Variants in TTC34 observed in about 807,000 individuals in gnomAD.
The protein encoded by TTC34 is tetratricopeptide repeat domain 34.
Under a neutral mutation model 40.7 loss-of-function variants are expected in TTC34, and 44 were observed. The observed-to-expected ratio is 1.08, with a 90% CI of 0.85 to 1.39. The LOEUF is 1.39. Among genes scored for constraint, TTC34 ranks in the 40% most tolerant of loss-of-function variants. TTC34 has a pLI of 0.00. For missense variants in TTC34, 884 were observed against 838.0 expected, an observed-to-expected ratio of 1.05 and a Z score of -0.68; for synonymous variants, 422 against 398.6, an observed-to-expected ratio of 1.06 and a Z score of -0.70.
At chr1:2,689,888 C>A (rs1328777898) in intron 6 of TTC34, among the ~76,000 whole-genome samples, 1 of 78,242 alleles carries the variant, frequency 1.3e-5, no homozygotes, top group African/African-American at 4.4e-5. Flanking sequence ...CCTGGAACAG[C>A]ACGCAAACCC....
chr1:2,786,282 C>T (rs1332410359), intron 4 of TTC34, among the ~76,000 whole-genome samples: 1 of 152,244 alleles, frequency 6.6e-6, no homozygotes, highest in Admixed American at 6.5e-5. Flanking sequence ...TCGCTGCCTC[C>T]ACCAGCCCCT....
intron 6 of TTC34, among the ~76,000 whole-genome samples, chr1:2,780,964 A>T (rs1643473629): frequency 6.6e-6 from 1 of 152,152 alleles, no homozygotes; most frequent in African/African-American, 2.4e-5. Flanking sequence ...CATTGTACAA[A>T]TCTTTCACCT....
intron 6 of TTC34, among the ~76,000 whole-genome samples, chr1:2,750,972 G>A (rs1641300166): frequency 1.7e-5 from 2 of 118,792 alleles, no homozygotes; most frequent in African/African-American, 3.8e-5. Context: ...CACACCCCCA[G>A]GTGCGCATGT....
chr1:2,695,093 A>T (rs1207337648), intron 6 of TTC34, among the ~76,000 whole-genome samples: 1 of 118,234 alleles, frequency 8.5e-6, no homozygotes, highest in Non-Finnish European at 1.9e-5. Flanking sequence ...AGCATCTGAC[A>T]ACCTGGAACA....
At chr1:2,777,214 C>G (rs1643236572) in intron 6 of TTC34, among the ~76,000 whole-genome samples, 1 of 118,672 alleles carries the variant, frequency 8.4e-6, no homozygotes, top group Non-Finnish European at 1.8e-5. Context: ...CCCCACACCT[C>G]CAGGGGAGCA....
In TTC34 at chr1:2,755,884, T is replaced by A. The variant is rs1188677602; in HGVS notation, c.2226+27725A>T. ...CACACACTCACGCGAGCACCTGACA[T>A]CCTTGAGCAGCACCCACACCCCCAG... On this transcript the variant is annotated intron_variant, in intron 6 of 8. Coordinates refer to ENST00000401095, the Ensembl canonical transcript of TTC34. Among the ~76,000 whole-genome samples, 5 of 45,960 alleles carry A rather than the reference T, an allele frequency of 1.1e-4. 1 individual carries two copies. The highest frequency in any genetic ancestry group is 1.2e-3 in the South Asian group (1 of 868). 30.2% of individuals were successfully genotyped at this position (45,960 alleles called of 152,430 possible).
chr1:2,686,592 G>T (rs7416366), intron 6 of TTC34, among the ~76,000 whole-genome samples: 45,917 of 140,730 alleles, frequency 0.33, 8,652 homozygotes, highest in Non-Finnish European at 0.42. Flanking sequence ...GCCTGGAACA[G>T]CACACACACC....
intron 6 of TTC34, among the ~76,000 whole-genome samples, chr1:2,675,327 G>C (rs1342880119): frequency 8.7e-6 from 1 of 115,130 alleles, no homozygotes; most frequent in African/African-American, 2.9e-5. Flanking sequence ...CATACCCTCA[G>C]GTAAGCATCT....
chr1:2,655,495 C>G (rs1262545872), intron 6 of TTC34, among the ~76,000 whole-genome samples: 84 of 150,582 alleles, frequency 5.6e-4, no homozygotes, highest in African/African-American at 2.0e-3. Context: ...CACCCACACC[C>G]CCAGGTGAGC....
chr1:2,767,984 C>G (rs1206330864), intron 6 of TTC34, among the ~76,000 whole-genome samples: 1 of 150,668 alleles, frequency 6.6e-6, no homozygotes, highest in African/African-American at 2.4e-5. Context: ...GGTGATGTGA[C>G]TGCGTGGAAC....
intron 5 of TTC34, among the ~76,000 whole-genome samples, chr1:2,785,437 G>A (rs991641170): frequency 3.9e-5 from 6 of 152,176 alleles, no homozygotes; most frequent in African/African-American, 9.7e-5. Flanking sequence ...GAGGCCAGGC[G>A]TGCATAGGAG....
At chr1:2,756,870 C>CCG (rs1641524272) in intron 6 of TTC34, among the ~76,000 whole-genome samples, 1 of 115,650 alleles carries the variant, frequency 8.6e-6, no homozygotes, top group African/African-American at 3.4e-5. Context: ...CCCACACCTC[C>CCG]AGGTGAGCAT....
intron 6 of TTC34, among the ~76,000 whole-genome samples, chr1:2,686,044 C>A (rs184768061): frequency 8.7e-5 from 8 of 91,852 alleles, no homozygotes; most frequent in African/African-American, 3.8e-4. Flanking sequence ...CCTGCACCCC[C>A]AAGTGAGCAT....
intron 4 of TTC34, among the ~76,000 whole-genome samples, chr1:2,786,419 G>A (rs1443220185): frequency 6.6e-6 from 1 of 152,232 alleles, no homozygotes; most frequent in Non-Finnish European, 1.5e-5. Context: ...GTCCCACAGC[G>A]GCCAGGGACT....
chr1:2,671,591 CCCCA>C (rs1639702775), intron 6 of TTC34, among the ~76,000 whole-genome samples: 1 of 9,460 alleles, frequency 1.1e-4, no homozygotes, highest in Non-Finnish European at 7.5e-4. Flanking sequence ...GCACCCACAC[CCCCA>C]GTTGAGCATC....
chr1:2,790,227 G>A lies in TTC34; in HGVS notation c.904C>T (p.Arg302Trp), dbSNP rs1157676368. The A allele has an allele frequency of 7.8e-5, 31 of 398,298 alleles. 1 individual carries two copies. In the Admixed American group the frequency reaches 1.3e-3, roughly 16 times the overall value. The allele number at this position is 398,298 out of a possible 1,614,324, so 24.7% of individuals were successfully genotyped here. A position where few individuals can be genotyped will look rare whatever the true frequency, so the allele number is the denominator to read the frequency against. The change falls in exon 3 of 9, where the codon CGG becomes TGG. Residue 302 changes from arginine to tryptophan, a missense_variant. By Grantham distance (101) the Arg-to-Trp change is moderately radical (BLOSUM62 -3). Coordinates refer to ENST00000401095, the Ensembl canonical transcript of TTC34. ...GAGAACACGGCCTGGAACTGCCTCC[G>A]CGCCCCAGAGGGGCTCTCGCGGAAG... is the stretch of plus-strand genomic sequence containing the variant.
intron 6 of TTC34, among the ~76,000 whole-genome samples, chr1:2,779,365 C>T (rs1643440350): frequency 6.6e-6 from 1 of 151,990 alleles, no homozygotes; most frequent in African/African-American, 2.4e-5. Context: ...GCTCTGTCGC[C>T]CAGGCTGGAG....
rs1204715068 is a variant in TTC34 at position 2,752,294 on chromosome 1, C to T, written c.2226+31315G>A. Among the ~76,000 whole-genome samples, 25 of 33,260 alleles carry T rather than the reference C, an allele frequency of 7.5e-4. 7 individuals are homozygous for T. Among genetic ancestry groups the T allele is most frequent in the African/African-American group, 2.3e-3 (24 of 10,536 alleles). The allele number at this position is 33,260 out of a possible 152,430, so 21.8% of individuals were successfully genotyped here. ...AGCCTGGAACAGCACCTTGCACCCC[C>T]AGGGGAGCATCTGACAGCCTGGAAC... On this transcript the variant is annotated intron_variant, in intron 6 of 8. Coordinates refer to ENST00000401095, the Ensembl canonical transcript of TTC34.
chr1:2,683,400 G>A (rs1260918941), intron 6 of TTC34, among the ~76,000 whole-genome samples: 186 of 141,848 alleles, frequency 1.3e-3, no homozygotes, highest in African/African-American at 4.9e-3. Context: ...ACGCCCAGGT[G>A]AGCATCCGAT....
Sources: allele counts gnomAD v4.1 joint callset (sites outside exome capture counted in the v4.1 genomes callset), GRCh38; gene constraint gnomAD v4.1.1; transcripts MANE v1.5; gene names NCBI Gene and HGNC (gene_info 2026-07-23, HGNC 2026-07-21).